GSE1: variants seen among roughly 807,000 people sequenced by gnomAD.
GSE1 encodes the protein genetic suppressor element 1.
GSE1 carries 32 observed loss-of-function variants against 112.6 expected under a neutral mutation model. The observed-to-expected ratio is 0.28, with a 90% CI of 0.21 to 0.38. The LOEUF (loss-of-function observed/expected upper bound fraction) is 0.38. Ranked by LOEUF, GSE1 falls within the 10% of genes least tolerant of loss-of-function variation. The pLI, the probability that GSE1 is intolerant of heterozygous loss-of-function variation, is 1.00. For synonymous variants in GSE1, 1,115 were observed against 735.6 expected (o/e 1.52, Z -8.35); for missense variants, 2,348 against 1,699.2 (o/e 1.38, Z -6.71).
chr16:85,334,484 C>G (rs1383737087), intron 1 of GSE1, among the ~76,000 whole-genome samples: 1 of 152,260 alleles, frequency 6.6e-6, no homozygotes, highest in Non-Finnish European at 1.5e-5. Context: ...GGCATCCCTT[C>G]TCTGCGTTTC....
chr16:85,476,022 C>T (rs779586825), intron 2 of GSE1, among the ~76,000 whole-genome samples: 16 of 152,142 alleles, frequency 1.1e-4, no homozygotes, highest in Non-Finnish European at 1.8e-4. Flanking sequence ...CTGCTGCCTC[C>T]CAGGCTAAGA....
At chr16:85,349,547 C>T (rs900665479) in intron 1 of GSE1, among the ~76,000 whole-genome samples, 3 of 152,040 alleles carry the variant, frequency 2.0e-5, no homozygotes, top group African/African-American at 7.2e-5. Context: ...GGGCAGGGGC[C>T]TCTGGCCAGC....
At chr16:85,307,860 G>A (rs1194010641) in intron 1 of GSE1, among the ~76,000 whole-genome samples, 1 of 152,190 alleles carries the variant, frequency 6.6e-6, no homozygotes, top group Non-Finnish European at 1.5e-5. Context: ...GGGCCTAGAG[G>A]TGACCGCCCC....
intron 1 of GSE1, among the ~76,000 whole-genome samples, chr16:85,291,601 A>G (rs1374535132): frequency 6.6e-6 from 1 of 152,132 alleles, no homozygotes; most frequent in Non-Finnish European, 1.5e-5. Flanking sequence ...ACCGCCTGGT[A>G]AGGAGGCTGG....
chr16:85,571,271 C>T (rs1421328044), intron 1 of GSE1, among the ~76,000 whole-genome samples: 3 of 152,238 alleles, frequency 2.0e-5, no homozygotes, highest in Non-Finnish European at 4.4e-5. Context: ...ATAGCCAGGG[C>T]ACTGGACCTG....
At chr16:85,462,365 C>G (rs1448783653) in intron 2 of GSE1, among the ~76,000 whole-genome samples, 1 of 152,006 alleles carries the variant, frequency 6.6e-6, no homozygotes, top group East Asian at 2.0e-4. Flanking sequence ...CCCTCCCTAC[C>G]CTCAGCTTGT....
At chr16:85,434,103 T>G (rs2049185582) in intron 2 of GSE1, among the ~76,000 whole-genome samples, 1 of 152,146 alleles carries the variant, frequency 6.6e-6, no homozygotes, top group South Asian at 2.1e-4. Flanking sequence ...TCTGAAGGAC[T>G]GTGGCCCAAC....
intron 1 of GSE1, among the ~76,000 whole-genome samples, chr16:85,590,290 CTG>C (rs368803365): frequency 2.1e-4 from 27 of 130,028 alleles, no homozygotes; most frequent in South Asian, 5.1e-4. Context: ...ACATGTGTGA[CTG>C]TGTGTGTGAA....
At position 85,665,021 on chromosome 16, in the gene GSE1, A is replaced by G; in HGVS notation, c.2651A>G (p.Glu884Gly). 2.5e-6 allele frequency: 4 copies of G among 1,599,954 alleles called. No homozygotes were observed. Among genetic ancestry groups the G allele is most frequent in the Non-Finnish European group, 3.4e-6 (4 of 1,167,336 alleles). ...HISAEKRKDK[E>G]RLVEMLRAMK... ...CAGGCTGCTTTTCTCATAGACAAAG[A>G]GAGACTTGTTGAAATGCTCCGTGCC... Residue 884 changes from glutamate to glycine, a missense_variant, in exon 12 of 16, where the codon GAG becomes GGG. Glu to Gly is a moderately conservative substitution (Grantham distance 98). Coordinates refer to ENST00000253458, the MANE Select transcript of GSE1 (RefSeq NM_014615.5).
intron 2 of GSE1, among the ~76,000 whole-genome samples, chr16:85,429,781 T>A (rs887507931): frequency 1.3e-5 from 2 of 152,226 alleles, no homozygotes; most frequent in African/African-American, 4.8e-5. Flanking sequence ...GCCCCCTTGC[T>A]TCCCGCACAG....
At chr16:85,590,878 G>A (rs1278140627) in intron 1 of GSE1, among the ~76,000 whole-genome samples, 2 of 152,184 alleles carry the variant, frequency 1.3e-5, no homozygotes, top group South Asian at 2.1e-4. Flanking sequence ...GTTTTCCCCA[G>A]GGCTAGCCGA....
intron 1 of GSE1, among the ~76,000 whole-genome samples, chr16:85,222,329 AG>A (rs887736316): frequency 2.0e-5 from 3 of 152,214 alleles, no homozygotes; most frequent in Non-Finnish European, 4.4e-5. Context: ...TCTCCAGCCC[AG>A]GCAGGCCTCG....
At chr16:85,182,829 C>T (rs2074618380) in intron 1 of GSE1, among the ~76,000 whole-genome samples, 1 of 152,066 alleles carries the variant, frequency 6.6e-6, no homozygotes, top group Admixed American at 6.5e-5. Context: ...CCCCAGCATC[C>T]ACAGGGTGGG....
At chr16:85,532,786 T>C (rs2044178737) in intron 2 of GSE1, among the ~76,000 whole-genome samples, 1 of 152,142 alleles carries the variant, frequency 6.6e-6, no homozygotes, top group Non-Finnish European at 1.5e-5. Flanking sequence ...TATTTTGGAG[T>C]CACGCCTGTT....
At chr16:85,644,752 T>C (rs781306297) in intron 2 of GSE1, among the ~76,000 whole-genome samples, 2 of 151,912 alleles carry the variant, frequency 1.3e-5, no homozygotes, top group African/African-American at 4.8e-5. Flanking sequence ...CTGGACGTGC[T>C]AGAACCGTGG....
At chr16:85,310,118 G>C (rs2045795737) in intron 1 of GSE1, among the ~76,000 whole-genome samples, 1 of 152,188 alleles carries the variant, frequency 6.6e-6, no homozygotes, top group Admixed American at 6.5e-5. Context: ...CTCAGCTAGG[G>C]CTAGGGGCAC....
At chr16:85,517,105 G>C (rs928926003) in intron 2 of GSE1, among the ~76,000 whole-genome samples, 3 of 152,212 alleles carry the variant, frequency 2.0e-5, no homozygotes, top group African/African-American at 7.2e-5. Context: ...CCATGTCTTG[G>C]TTCTGGATGT....
rs529479874 is a variant in GSE1 at position 85,546,213 on chromosome 16, T to C, written c.2465-87701T>C. ...AATTCTAGTGCCTCAGCCTCCTGAG[T>C]AGCTGGGATTACAGACGTGCGCCAC... On this transcript the variant is annotated intron_variant, in intron 2 of 2. Transcript: ENST00000637419. Among the ~76,000 whole-genome samples the C allele has an allele frequency of 6.6e-5, 10 of 152,290 alleles. No homozygotes were observed. In the South Asian group the frequency reaches 1.9e-3, roughly 28 times the overall value.
chr16:85,664,278 G>C (rs142443044), intron 11 of GSE1, among the ~76,000 whole-genome samples: 1 of 152,232 alleles, frequency 6.6e-6, no homozygotes, highest in African/African-American at 2.4e-5. Context: ...TCAAGTCCTC[G>C]TGGGCCCCTG....
Sources: gnomAD v4.1 joint callset for allele counts (sites outside exome capture counted in the v4.1 genomes callset) on GRCh38, gnomAD v4.1.1 for gene constraint, MANE v1.5 for transcripts, NCBI Gene and HGNC (gene_info 2026-07-23, HGNC 2026-07-21) for gene names.